Variants in NRXN3 observed in about 807,000 individuals in gnomAD.
NRXN3 encodes neurexin III.
A neutral mutation model predicts 137.6 loss-of-function variants in NRXN3; 32 were observed. The observed-to-expected ratio is 0.23, with a 90% CI of 0.18 to 0.31. The LOEUF (loss-of-function observed/expected upper bound fraction) is 0.31. NRXN3 is among the 10% of genes least tolerant of loss of function. The pLI is 1.00. For missense variants in NRXN3, 1,574 were observed against 2,062.5 expected (o/e 0.76, Z 4.59); for synonymous variants, 798 against 784.5 (o/e 1.02, Z -0.29).
intron 19 of NRXN3, among the ~76,000 whole-genome samples, chr14:79,713,164 C>CTTTTTTTTTT (rs574716352): frequency 2.5e-5 from 2 of 80,890 alleles, no homozygotes; most frequent in Non-Finnish European, 2.2e-5. Context: ...CTGATTTTTA[C>CTTTTTTTTTT]TTTTTTTTTT....
At chr14:78,479,738 T>G (rs894565333) in intron 4 of NRXN3, among the ~76,000 whole-genome samples, 33 of 152,218 alleles carry the variant, frequency 2.2e-4, no homozygotes, top group African/African-American at 7.0e-4. Context: ...GTTGAATGTG[T>G]GACCCTATGA....
chr14:79,527,066 C>T (rs941630571), intron 16 of NRXN3, among the ~76,000 whole-genome samples: 1 of 152,044 alleles, frequency 6.6e-6, no homozygotes, highest in African/African-American at 2.4e-5. Flanking sequence ...GCAGGTGGAT[C>T]ACCCTGTCAA....
intron 20 of NRXN3, chr14:79,853,443 G>A: frequency 2.3e-6 from 1 of 441,556 alleles, no homozygotes; most frequent in South Asian, 3.4e-5. Context: ...CTTAGGGTGT[G>A]TGAGATTGTC....
chr14:79,371,161 A>G (rs1599313797), intron 15 of NRXN3, among the ~76,000 whole-genome samples: 1 of 152,124 alleles, frequency 6.6e-6, no homozygotes, highest in East Asian at 1.9e-4. Context: ...CCCTGGAAAC[A>G]CTCAGCTGGT....
chr14:78,589,375 G>A (rs1399242981), intron 4 of NRXN3, among the ~76,000 whole-genome samples: 1 of 152,172 alleles, frequency 6.6e-6, no homozygotes, highest in East Asian at 1.9e-4. Context: ...CTCATAAGAA[G>A]ACTTCTGTGC....
At chr14:79,271,395 T>C in intron 15 of NRXN3, among the ~76,000 whole-genome samples, 1 of 139,414 alleles carries the variant, frequency 7.2e-6, no homozygotes, top group East Asian at 2.5e-4. Context: ...TCCTCCTTCT[T>C]CCTTCCCCTT....
At chr14:79,777,893 G>A (rs187183687) in intron 19 of NRXN3, among the ~76,000 whole-genome samples, 16 of 151,582 alleles carry the variant, frequency 1.1e-4, no homozygotes, top group Admixed American at 3.9e-4. Context: ...GGAAACTTGT[G>A]GTTTAACTAT....
At chr14:78,952,526 T>C (rs2152952185) in intron 10 of NRXN3, among the ~76,000 whole-genome samples, 1 of 152,284 alleles carries the variant, frequency 6.6e-6, no homozygotes, top group South Asian at 2.1e-4. Context: ...GAAATGCTTG[T>C]CACAGCTCAG....
At chr14:78,920,980 A>G (rs1424490575) in intron 10 of NRXN3, among the ~76,000 whole-genome samples, 2 of 152,138 alleles carry the variant, frequency 1.3e-5, no homozygotes, top group Non-Finnish European at 1.5e-5. Context: ...GACATGATTG[A>G]TTATACATTG....
intron 15 of NRXN3, among the ~76,000 whole-genome samples, chr14:79,128,613 A>C (rs1423820268): frequency 1.3e-5 from 2 of 152,154 alleles, no homozygotes; most frequent in Non-Finnish European, 2.9e-5. Context: ...ATCAATGTTC[A>C]TCAAGGATAT....
chr14:78,687,582 C>T (rs988533945), intron 6 of NRXN3, among the ~76,000 whole-genome samples: 2 of 152,198 alleles, frequency 1.3e-5, no homozygotes, highest in Non-Finnish European at 2.9e-5. Context: ...AGAGGCTTAA[C>T]ACAAAAGAGG....
rs192371587 is a variant in NRXN3, at chr14:79,079,115, T to C, written c.3262+90974T>C. Among the ~76,000 whole-genome samples the C allele has an allele frequency of 3.3e-4, 51 of 152,308 alleles. 1 individual carries two copies. The East Asian group carries it at 9.1e-3, about 27-fold the overall frequency. On this transcript the variant is annotated intron_variant, in intron 15 of 20. Coordinates refer to ENST00000335750, the MANE Select transcript of NRXN3 (RefSeq NM_001330195.2). ...AAGATCATTCTCTTCCTGGCACTCTTCTGATTCCTGGTACCTGTATTCAGT... is the reference window on the plus strand; with the variant it reads ...AAGATCATTCTCTTCCTGGCACTCTCCTGATTCCTGGTACCTGTATTCAGT...
At chr14:79,562,050 C>T (rs999082448) in intron 16 of NRXN3, among the ~76,000 whole-genome samples, 12 of 152,112 alleles carry the variant, frequency 7.9e-5, no homozygotes, top group African/African-American at 2.7e-4. Context: ...ATAAATTGAA[C>T]ATTCAAGTTA....
intron 4 of NRXN3, among the ~76,000 whole-genome samples, chr14:78,536,608 CTTT>C (rs111375477): frequency 1.2e-4 from 18 of 147,652 alleles, no homozygotes; most frequent in African/African-American, 3.0e-4. Context: ...GATTATTTTT[CTTT>C]TTTTTTTTTA....
intron 4 of NRXN3, among the ~76,000 whole-genome samples, chr14:78,320,225 C>T (rs1417495032): frequency 1.3e-5 from 2 of 152,162 alleles, no homozygotes; most frequent in Non-Finnish European, 2.9e-5. Flanking sequence ...AGAGAGAACA[C>T]GTACCACTTG....
At chr14:79,019,602 A>G (rs1469250367) in intron 15 of NRXN3, among the ~76,000 whole-genome samples, 1 of 152,160 alleles carries the variant, frequency 6.6e-6, no homozygotes, top group Admixed American at 6.5e-5. Context: ...GGGTGGAAGC[A>G]ATGCACTTGA....
chr14:78,856,005 C>G (rs537068969), intron 10 of NRXN3, among the ~76,000 whole-genome samples: 1 of 152,156 alleles, frequency 6.6e-6, no homozygotes. Context: ...GGTCTTCTTT[C>G]CTCATTGGTA....
intron 1 of NRXN3, among the ~76,000 whole-genome samples, chr14:78,238,798 C>T (rs925777548): frequency 1.3e-5 from 2 of 152,096 alleles, no homozygotes; most frequent in Admixed American, 1.3e-4. Context: ...GGTGGTATCC[C>T]CCAGTGCTGG....
chr14:79,168,494 G>T (rs549674299), intron 15 of NRXN3, among the ~76,000 whole-genome samples: 23 of 152,056 alleles, frequency 1.5e-4, no homozygotes, highest in African/African-American at 5.5e-4. Flanking sequence ...TTAAAATTAT[G>T]ATAATTATAT....
Sources: allele counts gnomAD v4.1 joint callset (sites outside exome capture counted in the v4.1 genomes callset), GRCh38; gene constraint gnomAD v4.1.1; transcripts MANE v1.5; gene names NCBI Gene and HGNC (gene_info 2026-07-23, HGNC 2026-07-21).